Variants in TSC22D1 observed in about 807,000 individuals in gnomAD.
TSC22D1 encodes TSC22 domain family member 1.
Under a neutral mutation model 74.2 loss-of-function variants are expected in TSC22D1, and 9 were observed. The observed-to-expected ratio is 0.12, with a 90% CI of 0.07 to 0.21. TSC22D1 has a LOEUF of 0.21. Ranked by LOEUF, TSC22D1 falls within the 10% of genes least tolerant of loss-of-function variation. The pLI is 1.00. For missense variants in TSC22D1, 1,427 were observed against 1,304.7 expected (o/e 1.09, Z -1.44); for synonymous variants, 586 against 492.5 (o/e 1.19, Z -2.51).
chr13:44,567,063 G>A (rs1265483510), intron 1 of TSC22D1, among the ~76,000 whole-genome samples: 1 of 152,170 alleles, frequency 6.6e-6, no homozygotes, highest in Non-Finnish European at 1.5e-5. Flanking sequence ...TAAAACATAG[G>A]ATCACAGGAC....
intron 1 of TSC22D1, chr13:44,536,972 A>C: frequency 1.0e-6 from 1 of 967,088 alleles, no homozygotes; most frequent in African/African-American, 1.8e-5. Flanking sequence ...AAAAAAACTA[A>C]CACACAGAAA....
At chr13:44,508,495 T>G (rs1427265819) in intron 1 of TSC22D1, among the ~76,000 whole-genome samples, 1 of 152,188 alleles carries the variant, frequency 6.6e-6, no homozygotes, top group Non-Finnish European at 1.5e-5. Context: ...AGTTTAACAC[T>G]GCCACCTGGA....
intron 1 of TSC22D1, among the ~76,000 whole-genome samples, chr13:44,517,359 CAAAT>C (rs1451425730): frequency 6.6e-6 from 1 of 151,184 alleles, no homozygotes; most frequent in African/African-American, 2.4e-5. Flanking sequence ...CACACACACA[CAAAT>C]GTACTCCTTC....
intron 1 of TSC22D1, among the ~76,000 whole-genome samples, chr13:44,480,285 T>C (rs972516825): frequency 6.6e-5 from 10 of 152,210 alleles, no homozygotes; most frequent in Non-Finnish European, 1.2e-4. Context: ...ATCAATTTTC[T>C]TATGGTTTTG....
intron 1 of TSC22D1, among the ~76,000 whole-genome samples, chr13:44,556,942 G>A (rs1468042273): frequency 4.6e-5 from 7 of 151,458 alleles, no homozygotes; most frequent in Non-Finnish European, 1.0e-4. Flanking sequence ...TCGGGAGTTC[G>A]AGACCAGCTT....
At chr13:44,535,649 A>AAAC (rs796708627) in intron 1 of TSC22D1, among the ~76,000 whole-genome samples, 207 of 152,072 alleles carry the variant, frequency 1.4e-3, no homozygotes, top group African/African-American at 4.2e-3. Flanking sequence ...AACAAAAAAA[A>AAAC]CCATTTGTTT....
At position 44,575,099 on chromosome 13, in the gene TSC22D1, G is replaced by A. The variant is rs1295657288; in HGVS notation, c.976C>T (p.Pro326Ser). 4.3e-6 allele frequency: 7 copies of A among 1,614,026 alleles called. No homozygotes were observed. In the Admixed American group the frequency reaches 5.0e-5, roughly 12 times the overall value. The change falls in exon 1 of 3, where the codon CCT (proline) becomes TCT (serine). Residue 326 changes from proline (P) to serine (S), a missense_variant. By Grantham distance (74) the Pro-to-Ser change is moderately conservative. Around this residue, in one of 3 missense-constraint regions of TSC22D1, gnomAD observed 1,343 missense variants for 1,191.5 expected, o/e 1.13. Coordinates refer to ENST00000458659, the MANE Select transcript of TSC22D1 (RefSeq NM_183422.4). The stretch of plus-strand genomic sequence containing the variant: ...CCAAGCATGCTGCTTGTCACATTAG[G>A]ATTAAAACTACCCACAGCAGTAATG... ...VNITAVGSFN[P>S]NVTSSMLGNV...
At chr13:44,476,131 T>A in intron 1 of TSC22D1, among the ~76,000 whole-genome samples, 1 of 152,204 alleles carries the variant, frequency 6.6e-6, no homozygotes, top group East Asian at 1.9e-4. Context: ...AATATTCTAA[T>A]GAAAACTGTT....
intron 1 of TSC22D1, chr13:44,539,649 G>A: frequency 8.7e-7 from 1 of 1,147,564 alleles, no homozygotes; most frequent in Non-Finnish European, 1.1e-6. Context: ...AAACAAAACA[G>A]ATTGCAGTCC....
chr13:44,436,940 C>T lies in TSC22D1; in HGVS notation c.2913-845G>A, dbSNP rs1036920301. On this transcript the variant is annotated intron_variant, in intron 1 of 2. Transcript: ENST00000458659. ...GGCACGCCACTGGGACCGCCCCCTA[C>T]TCCCTTCCAGGTCCTCCCGCTTCCC... The T allele has an allele frequency of 9.7e-6, 10 of 1,031,090 alleles. No homozygotes were observed. In the Admixed American group the frequency reaches 3.9e-4, roughly 41 times the overall value. The allele number at this position is 1,031,090 out of a possible 1,614,324, so 63.9% of individuals were successfully genotyped here. A position where few individuals can be genotyped will look rare whatever the true frequency, so the allele number is the denominator to read the frequency against.
chr13:44,575,850 C>T lies in TSC22D1; in HGVS notation c.225G>A (p.Ser75=). 2.5e-6 allele frequency: 4 copies of T among 1,613,960 alleles called. No individual in the cohort carries two copies. The highest frequency in any genetic ancestry group is 1.1e-5 in the South Asian group (1 of 91,062). ...TTTGTGGAGGCGGAGGCTGTGGTCCCGACGTAGAAGATGCTGCAGGGGGCG... is the reference window on the plus strand; with the variant it reads ...TTTGTGGAGGCGGAGGCTGTGGTCCTGACGTAGAAGATGCTGCAGGGGGCG... ...QPPPPAASST[S]GPQPPPPQSL... The change falls in exon 1 of 3, where the codon TCG becomes TCA. Residue 75 remains serine, a synonymous_variant. Coordinates refer to ENST00000458659, the MANE Select transcript of TSC22D1 (RefSeq NM_183422.4).
chr13:44,481,243 GT>G (rs1436561244), intron 1 of TSC22D1, among the ~76,000 whole-genome samples: 1 of 152,206 alleles, frequency 6.6e-6, no homozygotes, highest in Non-Finnish European at 1.5e-5. Context: ...AGACTTCGCA[GT>G]TAGGAAGTCA....
At chr13:44,485,899 T>C (rs1878407882) in intron 1 of TSC22D1, among the ~76,000 whole-genome samples, 1 of 152,094 alleles carries the variant, frequency 6.6e-6, no homozygotes, top group Non-Finnish European at 1.5e-5. Flanking sequence ...GTTAAACTGT[T>C]GTAAGGCTTC....
intron 1 of TSC22D1, among the ~76,000 whole-genome samples, chr13:44,473,729 G>C (rs907485969): frequency 2.0e-5 from 3 of 151,984 alleles, no homozygotes; most frequent in Admixed American, 6.6e-5. Flanking sequence ...TGCAACTGAT[G>C]GTTTACATAT....
At chr13:44,466,782 A>G (rs529459736) in intron 1 of TSC22D1, among the ~76,000 whole-genome samples, 1 of 152,078 alleles carries the variant, frequency 6.6e-6, no homozygotes, top group African/African-American at 2.4e-5. Flanking sequence ...AAAGAAAAAA[A>G]AAAGAAAACA....
intron 1 of TSC22D1, among the ~76,000 whole-genome samples, chr13:44,569,327 G>A (rs1436545317): frequency 6.6e-6 from 1 of 152,100 alleles, no homozygotes; most frequent in Non-Finnish European, 1.5e-5. Flanking sequence ...TACATATCTA[G>A]TGGTAAGACA....
At chr13:44,565,504 C>A (rs1278115210) in intron 1 of TSC22D1, among the ~76,000 whole-genome samples, 1 of 152,042 alleles carries the variant, frequency 6.6e-6, no homozygotes, top group Non-Finnish European at 1.5e-5. Context: ...AACCTAGAAT[C>A]TAAAAAGTTG....
At chr13:44,563,897 G>C (rs1883198964) in intron 1 of TSC22D1, among the ~76,000 whole-genome samples, 1 of 152,154 alleles carries the variant, frequency 6.6e-6, no homozygotes. Flanking sequence ...AATATTTCAT[G>C]TTGCTTAAAA....
chr13:44,573,841 GGCT>G lies in TSC22D1; in HGVS notation c.2231_2233del (p.Gln744del). 6.2e-7 allele frequency: 1 copy of G among 1,614,176 alleles called. No individual in the cohort carries two copies. Among genetic ancestry groups the G allele is most frequent in the Non-Finnish European group, 8.5e-7 (1 of 1,180,034 alleles). On this transcript the variant is annotated inframe_deletion, in exon 1 of 3. Coordinates refer to ENST00000458659, the MANE Select transcript of TSC22D1 (RefSeq NM_183422.4). ...AACTGAAGGTGGAACCTGGGTAGAG[GGCT>G]GCTGCACTGCAGTAGGTATGTTTGC...
Sources: allele counts gnomAD v4.1 joint callset (sites outside exome capture counted in the v4.1 genomes callset), GRCh38; gene constraint gnomAD v4.1.1; regional missense constraint gnomAD v4.1.1; transcripts MANE v1.5; gene names NCBI Gene and HGNC (gene_info 2026-07-23, HGNC 2026-07-21).